The following KLHDC4 variants were observed in gnomAD, a reference collection of about 807,000 sequenced individuals.
The protein encoded by KLHDC4 is kelch domain containing 4, also known as kelch domain-containing protein 4.
A neutral mutation model predicts 62.4 loss-of-function variants in KLHDC4; 90 were observed. That is an observed-to-expected ratio of 1.44 (90% confidence interval 1.22 to 1.72). The LOEUF is 1.72. Among genes scored for constraint, KLHDC4 ranks in the 40% most tolerant of loss-of-function variants. The probability of loss-of-function intolerance (pLI) is 0.00; values close to 1 mark genes in which losing one functional copy is unlikely to be tolerated. For synonymous variants in KLHDC4, 386 were observed against 284.4 expected (o/e 1.36, Z -3.59); for missense variants, 1,025 against 699.7 (o/e 1.47, Z -5.25).
At chr16:87,724,658 A>C (rs2039019925) in intron 7 of KLHDC4, among the ~76,000 whole-genome samples, 1 of 152,202 alleles carries the variant, frequency 6.6e-6, no homozygotes, top group African/African-American at 2.4e-5. Context: ...GAGCAGCTAA[A>C]AACAGAAAGA....
At chr16:87,734,957 CGAATTG>C (rs1567744587) in intron 5 of KLHDC4, among the ~76,000 whole-genome samples, 2 of 59,330 alleles carry the variant, frequency 3.4e-5, no homozygotes, top group African/African-American at 1.0e-4. Flanking sequence ...CCACTCCTGA[CGAATTG>C]CCTGACGCCC....
At chr16:87,721,278 G>C (rs1305932285) in intron 7 of KLHDC4, among the ~76,000 whole-genome samples, 1 of 152,002 alleles carries the variant, frequency 6.6e-6, no homozygotes, top group African/African-American at 2.4e-5. Context: ...AAATTAGCCG[G>C]GTGTGGTGGC....
At position 87,734,727 on chromosome 16, in the gene KLHDC4, C is replaced by G. The variant is rs1165913832; in HGVS notation, c.507-4083G>C. On this transcript the variant is annotated intron_variant, in intron 5 of 11. Transcript: ENST00000270583. ...TTCACATAGGGATACCCAGCAGGAT[C>G]TCAGCTCACTAAGTTTCTTTGGAGT... Among the ~76,000 whole-genome samples, 6 of 152,288 alleles carry G rather than the reference C, an allele frequency of 3.9e-5. No individual in the cohort carries two copies. In the East Asian group the frequency reaches 7.7e-4, roughly 20 times the overall value.
intron 8 of KLHDC4, among the ~76,000 whole-genome samples, chr16:87,712,467 C>T (rs955247019): frequency 1.3e-5 from 2 of 152,242 alleles, no homozygotes; most frequent in African/African-American, 4.8e-5. Context: ...GTGACAGAAA[C>T]CCACACACAC....
At chr16:87,746,867 T>C (rs1331958333) in intron 5 of KLHDC4, among the ~76,000 whole-genome samples, 2 of 152,188 alleles carry the variant, frequency 1.3e-5, no homozygotes, top group East Asian at 3.8e-4. Context: ...TTAATTACCA[T>C]TAGCAAGCAT....
At chr16:87,728,138 T>C (rs1437301430) in intron 6 of KLHDC4, among the ~76,000 whole-genome samples, 1 of 152,144 alleles carries the variant, frequency 6.6e-6, no homozygotes, top group Non-Finnish European at 1.5e-5. Flanking sequence ...AGTGAGCTGA[T>C]CACGCCACTG....
chr16:87,706,897 C>T (rs1567639299), downstream of KLHDC4, among the ~76,000 whole-genome samples: 3 of 152,332 alleles, frequency 2.0e-5, no homozygotes, highest in South Asian at 2.1e-4. Context: ...CAGGGGCTCG[C>T]CACCAAGTCA....
exon 1 of KLHDC4, chr16:87,698,468 A>G (rs2033994994): frequency 6.6e-6 from 1 of 152,252 alleles, no homozygotes; most frequent in Admixed American, 6.5e-5. Flanking sequence ...GGTACCTGTG[A>G]GCAGGAAACA....
Position 87,718,596 on chromosome 16 carries a change from C to T in KLHDC4, c.760-4023G>A, listed in dbSNP as rs561547046. 5.3e-5 allele frequency among the ~76,000 whole-genome samples: 8 copies of T among 152,090 alleles called. No individual in the cohort carries two copies. The East Asian group carries it at 1.4e-3, about 26-fold the overall frequency. On this transcript the variant is annotated intron_variant, in intron 7 of 11. Coordinates refer to ENST00000270583, the MANE Select transcript of KLHDC4 (RefSeq NM_017566.4). The stretch of plus-strand genomic sequence containing the variant: ...GCTACAACCCCCACCTCCCAGCCAC[C>T]TGCCTTGGCCTCCCAAAGTGCTGAG...
chr16:87,702,373 G>A (rs2034185051), exon 1 of KLHDC4: 4 of 426,594 alleles, frequency 9.4e-6, no homozygotes, highest in Admixed American at 2.5e-5. Flanking sequence ...GCAGGGGGGC[G>A]GGCCCTGCAG....
chr16:87,765,810 C>A lies in KLHDC4; in HGVS notation c.81G>T (p.Lys27Asn). ...TAAKMEKKVS[K>N]RSRKEEEDLE... ...CGCTCACCTCCTCCTTCCGCGAGCG[C>A]TTAGACACCTTCTTCTCCATCTTGG... Residue 27 changes from lysine (K) to asparagine (N), a missense_variant, in exon 1 of 12, where the codon AAG (lysine) becomes AAT (asparagine). Transcript: ENST00000270583. 2 of 1,569,738 alleles carry A rather than the reference C, an allele frequency of 1.3e-6. No homozygotes were observed. Among genetic ancestry groups the A allele is most frequent in the Non-Finnish European group, 8.6e-7 (1 of 1,157,112 alleles).
intron 5 of KLHDC4, chr16:87,743,127 C>G (rs1387739965): frequency 1.3e-5 from 2 of 152,240 alleles, no homozygotes; most frequent in African/African-American, 4.8e-5. Flanking sequence ...TTCGTTAAGT[C>G]ACAGGGCCTC....
chr16:87,701,046 C>G, exon 1 of KLHDC4: 1 of 208,326 alleles, frequency 4.8e-6, no homozygotes, highest in Non-Finnish European at 9.8e-6. Context: ...TCAAAACAAG[C>G]AAGGAAGAGT....
intron 5 of KLHDC4, among the ~76,000 whole-genome samples, chr16:87,748,154 T>C (rs2043319129): frequency 6.6e-6 from 1 of 152,116 alleles, no homozygotes; most frequent in Admixed American, 6.6e-5. Flanking sequence ...GTGGTAAACA[T>C]GCATCAGAAA....
At chr16:87,705,222 C>T (rs117764570), downstream of KLHDC4, among the ~76,000 whole-genome samples, 108 of 152,374 alleles carry the variant, frequency 7.1e-4, 1 homozygote, top group East Asian at 0.018. Context: ...CCTGGGCTTT[C>T]GTGCCGGCCG....
chr16:87,763,846 G>A (rs754622524), intron 1 of KLHDC4, among the ~76,000 whole-genome samples: 7 of 152,172 alleles, frequency 4.6e-5, no homozygotes, highest in Non-Finnish European at 8.8e-5. Flanking sequence ...GCCAGTGACA[G>A]CCTCTCCAAA....
In KLHDC4 at chr16:87,760,589, AGAGT is replaced by A. The variant is rs1190006086; in HGVS notation, c.191+1356_191+1359del. Reference sequence around the variant, plus strand: ...GCCACTGTACTCCAGCCTGGGTGACAGAGTGAGACTCCGTCCCAAAAAAAAAAAA... The same window carrying A: ...GCCACTGTACTCCAGCCTGGGTGACAGAGACTCCGTCCCAAAAAAAAAAAA... On this transcript the variant is annotated intron_variant, in intron 2 of 11. Coordinates refer to ENST00000270583, the MANE Select transcript of KLHDC4 (RefSeq NM_017566.4). Among the ~76,000 whole-genome samples the A allele has an allele frequency of 4.8e-5, 7 of 145,012 alleles. No individual in the cohort carries two copies. In the South Asian group the frequency reaches 1.1e-3, roughly 24 times the overall value.
chr16:87,729,823 C>T (rs1445226543), intron 6 of KLHDC4, among the ~76,000 whole-genome samples: 2 of 152,230 alleles, frequency 1.3e-5, no homozygotes, highest in African/African-American at 4.8e-5. Context: ...TCAACATCAC[C>T]TGGGAGCTTG....
chr16:87,711,493 G>T, intron 8 of KLHDC4, 50 bp from the exon 9 acceptor site: 1 of 1,521,708 alleles, frequency 6.6e-7, no homozygotes, highest in South Asian at 1.2e-5. Flanking sequence ...GAAGGACCCT[G>T]AGAGCCAGCC....
Sources: allele counts gnomAD v4.1 joint callset (sites outside exome capture counted in the v4.1 genomes callset), GRCh38; gene constraint gnomAD v4.1.1; transcripts MANE v1.5; gene names NCBI Gene and HGNC (gene_info 2026-07-23, HGNC 2026-07-21).